Variants in SLC35F4 observed in about 807,000 individuals in gnomAD.
The protein encoded by SLC35F4 is solute carrier family 35 member F4, also known as chromosome 14 open reading frame 36.
In SLC35F4, 24 loss-of-function variants were observed where a neutral mutation model predicts 44.2. The observed-to-expected ratio is 0.54, with a 90% CI of 0.39 to 0.76. The LOEUF is 0.76. SLC35F4 is among the 30% of genes least tolerant of loss of function. The probability of loss-of-function intolerance (pLI) is 0.00; values close to 1 mark genes in which losing one functional copy is unlikely to be tolerated. For missense variants in SLC35F4, 562 were observed against 586.1 expected (o/e 0.96, Z 0.42); for synonymous variants, 238 against 223.6 (o/e 1.06, Z -0.57).
intron 1 of SLC35F4, among the ~76,000 whole-genome samples, chr14:57,793,556 C>T (rs1265763984): frequency 6.6e-6 from 1 of 152,040 alleles, no homozygotes; most frequent in Non-Finnish European, 1.5e-5. Context: ...CAAATTGCTG[C>T]AAAAGACATT....
intron 1 of SLC35F4, among the ~76,000 whole-genome samples, chr14:57,892,965 T>G (rs1434175684): frequency 6.6e-6 from 1 of 152,236 alleles, no homozygotes; most frequent in African/African-American, 2.4e-5. Flanking sequence ...AGGTTATGTT[T>G]AGTTTATATT....
At chr14:57,820,242 A>C (rs1883023351) in intron 1 of SLC35F4, among the ~76,000 whole-genome samples, 1 of 152,206 alleles carries the variant, frequency 6.6e-6, no homozygotes, top group African/African-American at 2.4e-5. Context: ...CACACAAAAC[A>C]TAAAAAAGAC....
chr14:57,591,142 C>G (rs113957712), intron 2 of SLC35F4, among the ~76,000 whole-genome samples: 20 of 152,218 alleles, frequency 1.3e-4, no homozygotes, highest in African/African-American at 4.8e-4. Context: ...TATGGAGACT[C>G]TACCAGGCGC....
intron 1 of SLC35F4, among the ~76,000 whole-genome samples, chr14:57,732,198 G>A (rs2076360364): frequency 6.6e-6 from 1 of 152,124 alleles, no homozygotes; most frequent in Admixed American, 6.5e-5. Flanking sequence ...AAATAACAGA[G>A]TGAACAAAAT....
intron 1 of SLC35F4, among the ~76,000 whole-genome samples, chr14:57,851,137 T>C (rs1886521367): frequency 6.6e-6 from 1 of 152,154 alleles, no homozygotes; most frequent in South Asian, 2.1e-4. Flanking sequence ...ACTGCAAAAT[T>C]TTAGCTTTTT....
At chr14:57,903,097 T>C (rs1377510549) in intron 1 of SLC35F4, among the ~76,000 whole-genome samples, 1 of 152,250 alleles carries the variant, frequency 6.6e-6, no homozygotes, top group Non-Finnish European at 1.5e-5. Flanking sequence ...ATTAGTTTGC[T>C]GCAATGTGTT....
At chr14:57,700,746 A>G (rs531625009) in intron 1 of SLC35F4, among the ~76,000 whole-genome samples, 1 of 151,980 alleles carries the variant, frequency 6.6e-6, no homozygotes. Context: ...TCTACAAGAA[A>G]TACAAAAATC....
chr14:57,693,778 T>A (rs1024078351), intron 1 of SLC35F4, among the ~76,000 whole-genome samples: 1 of 152,172 alleles, frequency 6.6e-6, no homozygotes. Context: ...TCTCCCCGAC[T>A]GAGCTGGTCT....
intron 1 of SLC35F4, among the ~76,000 whole-genome samples, chr14:57,847,929 T>A (rs1886183360): frequency 6.6e-6 from 1 of 152,232 alleles, no homozygotes; most frequent in South Asian, 2.1e-4. Flanking sequence ...TACAAACATC[T>A]GTATTTGCTC....
chr14:57,668,536 A>G (rs1343031724), intron 1 of SLC35F4, among the ~76,000 whole-genome samples: 1 of 152,050 alleles, frequency 6.6e-6, no homozygotes, highest in African/African-American at 2.4e-5. Context: ...TCCAGTTTCA[A>G]CTTTCTGCAT....
chr14:57,932,572 G>C (rs1889717739), intron 1 of SLC35F4, among the ~76,000 whole-genome samples: 1 of 152,202 alleles, frequency 6.6e-6, no homozygotes, highest in Non-Finnish European at 1.5e-5. Flanking sequence ...TTTGGGACCA[G>C]GTGTGGTGTC....
intron 1 of SLC35F4, among the ~76,000 whole-genome samples, chr14:57,845,371 G>T (rs1008759397): frequency 9.8e-5 from 15 of 152,308 alleles, no homozygotes; most frequent in Middle Eastern, 6.8e-3. Flanking sequence ...CAGAGTGGCT[G>T]TGAGTTATAA....
chr14:57,736,096 C>T lies in SLC35F4; in HGVS notation c.103+129627G>A, dbSNP rs111689673. Among the ~76,000 whole-genome samples, 967 of 152,262 alleles carry T rather than the reference C, an allele frequency of 6.4e-3. 5 individuals are homozygous for T. The highest frequency in any genetic ancestry group is 0.022 in the African/African-American group (902 of 41,540). ...ATAATGCTACAGTCATCTCTGAAAA[C>T]AATTTACCACAGAAGGTTTTAAATA... On this transcript the variant is annotated intron_variant, in intron 1 of 7. Coordinates refer to ENST00000556826, the MANE Select transcript of SLC35F4 (RefSeq NM_001306087.2).
intron 1 of SLC35F4, among the ~76,000 whole-genome samples, chr14:57,733,360 TA>T (rs71104585): frequency 0.11 from 14,660 of 138,222 alleles, 811 homozygotes; most frequent in Non-Finnish European, 0.14. Context: ...CAATTTTCTT[TA>T]AAAAAAAAAA....
At chr14:57,748,460 T>C (rs547551821) in intron 1 of SLC35F4, among the ~76,000 whole-genome samples, 2 of 152,182 alleles carry the variant, frequency 1.3e-5, no homozygotes, top group Admixed American at 6.5e-5. Context: ...AGGAACCACC[T>C]GCATCAGAAT....
At chr14:57,784,087 C>CA (rs1169735146) in intron 1 of SLC35F4, among the ~76,000 whole-genome samples, 4 of 151,838 alleles carry the variant, frequency 2.6e-5, no homozygotes, top group African/African-American at 4.8e-5. Flanking sequence ...ATGGAAATGG[C>CA]AAAAAAGTGA....
chr14:57,648,703 A>G (rs927617941), intron 1 of SLC35F4, among the ~76,000 whole-genome samples: 3 of 152,238 alleles, frequency 2.0e-5, no homozygotes, highest in African/African-American at 7.2e-5. Context: ...AAGTGTGTAC[A>G]AAGCGTATTT....
At chr14:57,635,002 A>T (rs1158856536) in intron 1 of SLC35F4, among the ~76,000 whole-genome samples, 1 of 152,098 alleles carries the variant, frequency 6.6e-6, no homozygotes, top group African/African-American at 2.4e-5. Context: ...TCATGCCTGT[A>T]ACCCCAGGAG....
intron 1 of SLC35F4, among the ~76,000 whole-genome samples, chr14:57,908,695 A>G (rs867646364): frequency 8.5e-5 from 13 of 152,150 alleles, no homozygotes; most frequent in African/African-American, 3.1e-4. Context: ...CATTTGGCAG[A>G]TGGATAGATT....
Sources: allele counts gnomAD v4.1 joint callset (sites outside exome capture counted in the v4.1 genomes callset), GRCh38; gene constraint gnomAD v4.1.1; transcripts MANE v1.5; gene names NCBI Gene and HGNC (gene_info 2026-07-23, HGNC 2026-07-21).